The following PRICKLE2 variants were observed in gnomAD, a reference collection of about 807,000 sequenced individuals.
The protein encoded by PRICKLE2 is prickle-like protein 2.
PRICKLE2 carries 21 observed loss-of-function variants against 81.4 expected under a neutral mutation model. That is an observed-to-expected ratio of 0.26 (90% CI 0.18 to 0.37). The LOEUF (loss-of-function observed/expected upper bound fraction) is 0.37. Among genes scored for constraint, PRICKLE2 ranks in the 10% least tolerant of loss-of-function variants. The probability of loss-of-function intolerance (pLI) is 1.00; values close to 1 mark genes in which losing one functional copy is unlikely to be tolerated. For synonymous variants in PRICKLE2, 456 were observed against 421.5 expected (o/e 1.08, Z -1.00); for missense variants, 940 against 1,109.0 (o/e 0.85, Z 2.16).
chr3:64,187,573 A>G (rs2107092263), intron 2 of PRICKLE2: 1 of 152,382 alleles, frequency 6.6e-6, no homozygotes, highest in Middle Eastern at 3.4e-3. Context: ...CTGATGGAGT[A>G]ATGAAATAAA....
intron 7 of PRICKLE2, among the ~76,000 whole-genome samples, chr3:64,133,769 G>A (rs1166340752): frequency 6.6e-6 from 1 of 152,162 alleles, no homozygotes; most frequent in Non-Finnish European, 1.5e-5. Flanking sequence ...AAGGAGACAA[G>A]GCTCATCTTT....
upstream of PRICKLE2, among the ~76,000 whole-genome samples, chr3:64,226,261 A>G (rs1186325867): frequency 6.6e-6 from 1 of 152,218 alleles, no homozygotes; most frequent in East Asian, 1.9e-4. Context: ...GACCTCAGAT[A>G]GAGCTTTTGT....
rs560803894 is a variant in PRICKLE2 at position 64,150,754 on chromosome 3, C to T, written c.787+2428G>A. Among the ~76,000 whole-genome samples the T allele has an allele frequency of 2.8e-4, 43 of 152,284 alleles. No homozygotes were observed. The East Asian group carries it at 7.5e-3, about 27-fold the overall frequency. ...CTCCAAGCTTTGGCAAGCACACATG[C>T]TCAGATGCAGCAGCAAGGGCCTAGT... On this transcript the variant is annotated intron_variant, in intron 6 of 7. Transcript: ENST00000638394.
At position 64,098,974 on chromosome 3, in the gene PRICKLE2, TA is replaced by T; in HGVS notation, c.*76del. 6.3e-7 allele frequency: 1 copy of T among 1,584,166 alleles called. No individual in the cohort carries two copies. The highest frequency in any genetic ancestry group is 1.9e-4 in the Middle Eastern group (1 of 5,274). On this transcript the variant is annotated 3_prime_UTR_variant, in exon 8 of 8. Coordinates refer to ENST00000638394, the MANE Select transcript of PRICKLE2 (RefSeq NM_198859.4). Reference sequence around the variant, plus strand: ...CCATAAGCCACCCCCAAAAGCGCTTTAACATTTAAAACAGTGCAAGTTTCTG... The same window carrying T: ...CCATAAGCCACCCCCAAAAGCGCTTTACATTTAAAACAGTGCAAGTTTCTG...
rs1421799459 is a variant in PRICKLE2, at chr3:64,095,428, G to C, written c.*3623C>G. 1.3e-5 allele frequency: 2 copies of C among 152,244 alleles called. No individual in the cohort carries two copies. The highest frequency in any genetic ancestry group is 2.4e-5 in the African/African-American group (1 of 41,458). 9.4% of individuals were successfully genotyped at this position (152,244 alleles called of 1,614,324 possible). A position where few individuals can be genotyped will look rare whatever the true frequency, so the allele number is the denominator to read the frequency against. On this transcript the variant is annotated 3_prime_UTR_variant, in exon 8 of 8. Coordinates refer to ENST00000638394, the MANE Select transcript of PRICKLE2 (RefSeq NM_198859.4). Reference sequence around the variant, plus strand: ...ATTGGTTATCAGACCAATAAGATCAGTTCTGATCAACTGGTCCTGGCTGGT... The same window carrying C: ...ATTGGTTATCAGACCAATAAGATCACTTCTGATCAACTGGTCCTGGCTGGT...
At chr3:64,201,779 TG>T (rs2078585182) in intron 1 of PRICKLE2, among the ~76,000 whole-genome samples, 1 of 152,234 alleles carries the variant, frequency 6.6e-6, no homozygotes, top group African/African-American at 2.4e-5. Flanking sequence ...CTGTTGCTTT[TG>T]TTTTTTTAAT....
intron 2 of PRICKLE2, among the ~76,000 whole-genome samples, chr3:64,234,770 G>A (rs1285660807): frequency 1.3e-5 from 2 of 152,174 alleles, no homozygotes; most frequent in South Asian, 4.1e-4. Context: ...TCGTTCCCTT[G>A]TAAGTGATGA....
At chr3:64,203,992 C>A (rs546896618) in intron 1 of PRICKLE2, among the ~76,000 whole-genome samples, 42 of 151,960 alleles carry the variant, frequency 2.8e-4, no homozygotes, top group African/African-American at 9.4e-4. Context: ...CACACACACA[C>A]ACATACACTC....
At chr3:64,204,016 AAACAAC>A (rs556857289) in intron 1 of PRICKLE2, among the ~76,000 whole-genome samples, 1 of 151,888 alleles carries the variant, frequency 6.6e-6, no homozygotes, top group Admixed American at 6.6e-5. Flanking sequence ...AACAAAAACA[AAACAAC>A]AACAACAACA....
intron 2 of PRICKLE2, among the ~76,000 whole-genome samples, chr3:64,182,982 A>G (rs1232948165): frequency 1.3e-5 from 2 of 152,198 alleles, no homozygotes; most frequent in Non-Finnish European, 2.9e-5. Flanking sequence ...AGTTATTATA[A>G]TAAATTTAAA....
At chr3:64,251,641 C>G (rs896647597) in intron 2 of PRICKLE2, among the ~76,000 whole-genome samples, 2 of 152,170 alleles carry the variant, frequency 1.3e-5, no homozygotes, top group African/African-American at 4.8e-5. Flanking sequence ...AGGGGAGAAG[C>G]ATGGACAGAC....
At chr3:64,119,298 T>G (rs1203780626) in intron 7 of PRICKLE2, among the ~76,000 whole-genome samples, 1 of 152,138 alleles carries the variant, frequency 6.6e-6, no homozygotes, top group Non-Finnish European at 1.5e-5. Context: ...GATGAAATAA[T>G]CTGTACAACA....
chr3:64,237,153 T>C (rs1286518759), intron 2 of PRICKLE2, among the ~76,000 whole-genome samples: 1 of 152,122 alleles, frequency 6.6e-6, no homozygotes, highest in African/African-American at 2.4e-5. Flanking sequence ...CTAGGGATTG[T>C]CTATGAGCCC....
chr3:64,111,249 A>C (rs187648436), intron 7 of PRICKLE2, among the ~76,000 whole-genome samples: 1 of 152,360 alleles, frequency 6.6e-6, no homozygotes, highest in Admixed American at 6.5e-5. Flanking sequence ...TGAAATGTTC[A>C]ATCTTCTTAC....
chr3:64,099,895 T>C lies in PRICKLE2; in HGVS notation c.1691A>G (p.Gln564Arg), dbSNP rs372175446. The C allele has an allele frequency of 2.3e-5, 37 of 1,614,086 alleles. No homozygotes were observed. The Middle Eastern group carries it at 4.9e-4, about 22-fold the overall frequency. The change falls in exon 8 of 8, where the codon CAG becomes CGG. Residue 564 changes from glutamine (Q) to arginine (R), a missense_variant. Gln to Arg is a conservative substitution (Grantham distance 43). Transcript: ENST00000638394. This position sits in a 1 kb window ranked among gnomAD's most constrained non-coding sequence, Gnocchi z 4.3. ...CATGGAAAATCGGGATAGGTGCTCC[T>C]GGCGCTTGGCACCACCATCAGCAGA... ...GLSADGGAKR[Q>R]EHLSRFSMPD...
At chr3:64,261,749 C>T (rs1314481376) in intron 2 of PRICKLE2, among the ~76,000 whole-genome samples, 1 of 152,018 alleles carries the variant, frequency 6.6e-6, no homozygotes, top group Non-Finnish European at 1.5e-5. Context: ...GTGCCAGTAG[C>T]CAGGTAGGAA....
chr3:64,134,435 G>T (rs2077245644), intron 7 of PRICKLE2, among the ~76,000 whole-genome samples: 1 of 152,186 alleles, frequency 6.6e-6, no homozygotes, highest in Admixed American at 6.5e-5. Context: ...CTGTGTCTAG[G>T]CCAGGCTTTC....
chr3:64,254,846 G>A (rs1035959701), intron 2 of PRICKLE2, among the ~76,000 whole-genome samples: 3 of 152,048 alleles, frequency 2.0e-5, no homozygotes, highest in African/African-American at 7.2e-5. Flanking sequence ...AACTACCTGG[G>A]TTTACCACTT....
At chr3:64,179,208 C>G (rs1575626448) in intron 2 of PRICKLE2, among the ~76,000 whole-genome samples, 1 of 151,952 alleles carries the variant, frequency 6.6e-6, no homozygotes. Flanking sequence ...TCCAGAGTAG[C>G]TGGGATTATA....
Sources: gnomAD v4.1 joint callset for allele counts (sites outside exome capture counted in the v4.1 genomes callset) on GRCh38, gnomAD v4.1.1 for gene constraint, Gnocchi (gnomAD v3.1) non-coding constraint, MANE v1.5 for transcripts, NCBI Gene and HGNC (gene_info 2026-07-23, HGNC 2026-07-21) for gene names.